Variants in KIAA1549L observed in about 807,000 individuals in gnomAD.
KIAA1549L encodes the protein KIAA1549 like.
Under a neutral mutation model 160.7 loss-of-function variants are expected in KIAA1549L, and 88 were observed. The observed-to-expected ratio is 0.55, with a 90% CI of 0.46 to 0.65. The LOEUF (loss-of-function observed/expected upper bound fraction) is 0.65. KIAA1549L is among the 30% of genes least tolerant of loss of function. KIAA1549L has a pLI of 0.00. For missense variants in KIAA1549L, 2,258 were observed against 2,437.5 expected (o/e 0.93, Z 1.55); for synonymous variants, 950 against 976.7 (o/e 0.97, Z 0.51).
chr11:33,405,644 A>C (rs376915101), intron 1 of KIAA1549L, among the ~76,000 whole-genome samples: 93 of 151,674 alleles, frequency 6.1e-4, no homozygotes, highest in African/African-American at 2.2e-3. Context: ...CAGATAGAGA[A>C]CATCCTGGCC....
chr11:33,647,248 C>T lies in KIAA1549L; in HGVS notation c.5760+1212C>T, dbSNP rs543415985. Among the ~76,000 whole-genome samples, 9 of 152,062 alleles carry T rather than the reference C, an allele frequency of 5.9e-5. No homozygotes were observed. In the South Asian group the frequency reaches 6.2e-4, roughly 11 times the overall value. On this transcript the variant is annotated intron_variant, in intron 17 of 20. Transcript: ENST00000658780. ...AAAATTAGCCAGGTGTGGCGGCATG[C>T]GCCTATAGTCCCAACTTTTTGGGAG...
chr11:33,421,535 T>C (rs1228175906), intron 1 of KIAA1549L, among the ~76,000 whole-genome samples: 2 of 152,252 alleles, frequency 1.3e-5, no homozygotes, highest in Non-Finnish European at 1.5e-5. Flanking sequence ...GTGATTTGTG[T>C]GCATGTTAAA....
chr11:33,655,204 G>A (rs888066122), intron 17 of KIAA1549L, among the ~76,000 whole-genome samples: 20 of 152,108 alleles, frequency 1.3e-4, no homozygotes, highest in African/African-American at 4.6e-4. Context: ...CTTTTCTGGT[G>A]ACAGTTCTAG....
intron 1 of KIAA1549L, among the ~76,000 whole-genome samples, chr11:33,458,969 G>A (rs756712494): frequency 5.3e-5 from 8 of 152,244 alleles, no homozygotes; most frequent in Admixed American, 2.0e-4. Context: ...GATGGTAGCC[G>A]TGGCAAGATG....
intron 17 of KIAA1549L, among the ~76,000 whole-genome samples, chr11:33,647,557 G>A (rs1851760578): frequency 6.6e-6 from 1 of 151,926 alleles, no homozygotes; most frequent in Non-Finnish European, 1.5e-5. Context: ...TAATTAGTTT[G>A]CATTTCATTC....
At position 33,542,136 on chromosome 11, in the gene KIAA1549L, C is replaced by G. The variant is rs372220584; in HGVS notation, c.573C>G (p.Ala191=). The G allele has an allele frequency of 9.1e-6, 5 of 551,698 alleles. No individual in the cohort carries two copies. The highest frequency in any genetic ancestry group is 6.6e-5 in the Admixed American group (3 of 45,232). 34.2% of individuals were successfully genotyped at this position (551,698 alleles called of 1,614,324 possible). A position where few individuals can be genotyped will look rare whatever the true frequency, so the allele number is the denominator to read the frequency against. ...GGCCTAAAGGGGGACAAGAAGCAGCCGATGTGTCAGGTTTGCCTCTCACCA... is the reference window on the plus strand; with the variant it reads ...GGCCTAAAGGGGGACAAGAAGCAGCGGATGTGTCAGGTTTGCCTCTCACCA... ...QPGPKGGQEA[A]DVSGLPLTSM... Residue 191 remains alanine (A), a synonymous_variant, in exon 2 of 21, where the codon GCC becomes GCG. Transcript: ENST00000658780.
chr11:33,651,588 G>A (rs907413155), intron 17 of KIAA1549L, among the ~76,000 whole-genome samples: 2 of 152,012 alleles, frequency 1.3e-5, no homozygotes, highest in Non-Finnish European at 2.9e-5. Flanking sequence ...AATTCTTTGG[G>A]ACCCCTTTAC....
At chr11:33,537,132 T>C (rs965105053) in intron 1 of KIAA1549L, among the ~76,000 whole-genome samples, 1 of 152,234 alleles carries the variant, frequency 6.6e-6, no homozygotes, top group South Asian at 2.1e-4. Flanking sequence ...CTTCCTGCCA[T>C]AGGGCCTTTG....
chr11:33,421,594 C>A (rs1052281514), intron 1 of KIAA1549L, among the ~76,000 whole-genome samples: 1 of 152,136 alleles, frequency 6.6e-6, no homozygotes, highest in Non-Finnish European at 1.5e-5. Flanking sequence ...ATTTACAGAA[C>A]CTTGGTCAAA....
chr11:33,482,549 C>T (rs965491440), intron 1 of KIAA1549L, among the ~76,000 whole-genome samples: 2 of 150,296 alleles, frequency 1.3e-5, no homozygotes, highest in Non-Finnish European at 3.0e-5. Context: ...TATCTAAGAG[C>T]TATCTTTGCA....
intron 1 of KIAA1549L, among the ~76,000 whole-genome samples, chr11:33,392,391 G>GTACATGTCACCCCTAAATACTTTCGCA (rs1850288296): frequency 6.6e-6 from 1 of 152,110 alleles, no homozygotes. Flanking sequence ...GCAGACATCA[G>GTACATGTCACCCCTAAATACTTTCGCA]TACATGTCAC....
At chr11:33,564,668 G>A (rs1046260759) in intron 8 of KIAA1549L, among the ~76,000 whole-genome samples, 1 of 152,194 alleles carries the variant, frequency 6.6e-6, no homozygotes, top group Non-Finnish European at 1.5e-5. Flanking sequence ...CCCACCAGAG[G>A]CAAAATATCC....
chr11:33,472,116 C>A (rs1057411796), intron 1 of KIAA1549L, among the ~76,000 whole-genome samples: 1 of 150,660 alleles, frequency 6.6e-6, no homozygotes, highest in African/African-American at 2.4e-5. Flanking sequence ...CCTTTTTTTC[C>A]TTTCTCTCTC....
intron 6 of KIAA1549L, among the ~76,000 whole-genome samples, chr11:33,556,209 G>A (rs1169326535): frequency 6.6e-6 from 1 of 152,164 alleles, no homozygotes. Flanking sequence ...ATTGCTAGTG[G>A]GAATGTCAAA....
At chr11:33,476,438 G>A (rs1047420552) in intron 1 of KIAA1549L, among the ~76,000 whole-genome samples, 1 of 152,224 alleles carries the variant, frequency 6.6e-6, no homozygotes, top group Non-Finnish European at 1.5e-5. Context: ...GATGCTAGAC[G>A]CCCAGAATCC....
At chr11:33,492,266 G>A (rs572895244) in intron 1 of KIAA1549L, among the ~76,000 whole-genome samples, 1 of 152,310 alleles carries the variant, frequency 6.6e-6, no homozygotes, top group East Asian at 1.9e-4. Flanking sequence ...CACTGGGGAG[G>A]CTGAGGCAGG....
At chr11:33,652,724 G>C (rs1235491782) in intron 17 of KIAA1549L, among the ~76,000 whole-genome samples, 1 of 152,220 alleles carries the variant, frequency 6.6e-6, no homozygotes, top group Non-Finnish European at 1.5e-5. Flanking sequence ...GCCTCACTTG[G>C]TTTATTGATA....
chr11:33,430,203 C>T (rs1288529799), intron 1 of KIAA1549L, among the ~76,000 whole-genome samples: 1 of 141,550 alleles, frequency 7.1e-6, no homozygotes, highest in Non-Finnish European at 1.5e-5. Context: ...TTCTTTCCCT[C>T]CCTCTCTCCC....
At position 33,544,002 on chromosome 11, in the gene KIAA1549L, C is replaced by T; in HGVS notation, c.2439C>T (p.Phe813=). The change falls in exon 2 of 21, where the codon TTC becomes TTT. Residue 813 remains phenylalanine, a synonymous_variant. Transcript: ENST00000658780. ...GCAATAACAACCATTCCAGAGACTT[C>T]CAAACAGCTGAAGTTGCATATTACT... ...PTSNNNHSRD[F]QTAEVAYYSP... 5 of 1,614,014 alleles carry T rather than the reference C, an allele frequency of 3.1e-6. No individual in the cohort carries two copies. The highest frequency in any genetic ancestry group is 4.2e-6 in the Non-Finnish European group (5 of 1,179,900).
Sources: gnomAD v4.1 joint callset for allele counts (sites outside exome capture counted in the v4.1 genomes callset) on GRCh38, gnomAD v4.1.1 for gene constraint, MANE v1.5 for transcripts, NCBI Gene and HGNC (gene_info 2026-07-23, HGNC 2026-07-21) for gene names.